The following PIGZ variants were observed in gnomAD, a reference collection of about 807,000 sequenced individuals.
PIGZ encodes phosphatidylinositol glycan anchor biosynthesis class Z (Gwada blood group).
Under a neutral mutation model 16.4 loss-of-function variants are expected in PIGZ, and 16 were observed. The observed-to-expected ratio is 0.97, with a 90% confidence interval of 0.66 to 1.48. The LOEUF (loss-of-function observed/expected upper bound fraction) is 1.48, where lower values mean the gene tolerates loss of function less well. PIGZ is among the 40% of genes most tolerant of loss of function. PIGZ has a pLI of 0.00. For missense variants in PIGZ, 770 were observed against 739.2 expected, an observed-to-expected ratio of 1.04 and a Z score of -0.48; for synonymous variants, 409 against 338.4, an observed-to-expected ratio of 1.21 and a Z score of -2.29.
intron 1 of PIGZ, 68 bp from the exon 2 acceptor site, chr3:196,952,099 T>C: frequency 7.3e-7 from 1 of 1,364,824 alleles, no homozygotes; most frequent in Non-Finnish European, 1.0e-6. Context: ...CTGAACAAAC[T>C]GAAAATGGAT....
intron 1 of PIGZ, among the ~76,000 whole-genome samples, chr3:196,960,737 G>GAAAGAAAGAAAGAAAGAA (rs772698961): frequency 2.8e-5 from 4 of 140,394 alleles, no homozygotes; most frequent in African/African-American, 5.3e-5. Context: ...AAGAAAGAAA[G>GAAAGAAAGAAAGAAAGAA]AGAAAGAAAG....
At position 196,965,820 on chromosome 3, in the gene PIGZ, G is replaced by A. The variant is rs1717902296; in HGVS notation, c.-1+2867C>T. On this transcript the variant is annotated intron_variant, in intron 1 of 2. Coordinates refer to ENST00000412723, the MANE Select transcript of PIGZ (RefSeq NM_025163.4). The surrounding 1 kb of genome is among the most constrained non-coding windows in gnomAD (Gnocchi z 4.2). Reference sequence around the variant, plus strand: ...CATTTTCTGTGGATGAATAATGAGGGAGATGGTAAGAAGCATGACCTGGAG... The same window carrying A: ...CATTTTCTGTGGATGAATAATGAGGAAGATGGTAAGAAGCATGACCTGGAG... 6.6e-6 allele frequency among the ~76,000 whole-genome samples: 1 copy of A among 152,152 alleles called. No individual in the cohort carries two copies. The highest frequency in any genetic ancestry group is 6.5e-5 in the Admixed American group (1 of 15,282).
At chr3:196,953,310 T>A (rs1026748775) in intron 1 of PIGZ, among the ~76,000 whole-genome samples, 11 of 152,322 alleles carry the variant, frequency 7.2e-5, no homozygotes, top group South Asian at 2.1e-4. Flanking sequence ...CAGGCCAGTA[T>A]GGCAGGCTGC....
chr3:196,949,168 A>T (rs975925014), intron 2 of PIGZ, among the ~76,000 whole-genome samples: 1 of 151,268 alleles, frequency 6.6e-6, no homozygotes, highest in Non-Finnish European at 1.5e-5. Context: ...GCTTCAATCC[A>T]TTCTTCCAGC....
chr3:196,961,102 C>T (rs1717703866), intron 1 of PIGZ, among the ~76,000 whole-genome samples: 1 of 152,200 alleles, frequency 6.6e-6, no homozygotes, highest in South Asian at 2.1e-4. Flanking sequence ...AAGTAGTATT[C>T]CATGCTCATT....
At chr3:196,957,199 G>GTA (rs1272628265) in intron 1 of PIGZ, among the ~76,000 whole-genome samples, 1 of 149,752 alleles carries the variant, frequency 6.7e-6, no homozygotes, top group African/African-American at 2.5e-5. Flanking sequence ...GTGTGTGTGT[G>GTA]TGTATGTGTT....
Position 196,948,124 on chromosome 3 carries a change from G to A in PIGZ, c.773C>T (p.Ala258Val). Residue 258 changes from alanine (A) to valine (V), a missense_variant, in exon 3 of 3, where the codon GCC (alanine) becomes GTC (valine). By Grantham distance (64) the Ala-to-Val change is moderately conservative (BLOSUM62 0). Transcript: ENST00000412723. ...NPGLKSLTRE[A>V]LVLLPGAALT... ...GGCTGCCCCAGGGAGCAGCACCAGG[G>A]CCTCCCGGGTCAGAGACTTCAAACC... 2 of 1,602,276 alleles carry A rather than the reference G, an allele frequency of 1.2e-6. No individual in the cohort carries two copies. Among genetic ancestry groups the A allele is most frequent in the South Asian group, 1.1e-5 (1 of 89,634 alleles).
intron 1 of PIGZ, among the ~76,000 whole-genome samples, chr3:196,956,204 T>C (rs1306269553): frequency 1.3e-5 from 2 of 152,130 alleles, no homozygotes; most frequent in Non-Finnish European, 2.9e-5. Flanking sequence ...TTATAGAAAG[T>C]AATCCTTCAT....
intron 1 of PIGZ, among the ~76,000 whole-genome samples, chr3:196,962,075 G>A (rs1056132180): frequency 6.6e-6 from 1 of 152,162 alleles, no homozygotes; most frequent in Non-Finnish European, 1.5e-5. Context: ...GACTGTTACT[G>A]TGTCTATGTA....
chr3:196,947,694 C>G lies in PIGZ; in HGVS notation c.1203G>C (p.Leu401=). The G allele has an allele frequency of 6.2e-7, 1 of 1,613,046 alleles. No individual in the cohort carries two copies. Among genetic ancestry groups the G allele is most frequent in the Non-Finnish European group, 8.5e-7 (1 of 1,179,458 alleles). ...FLIPLLVPLV[L]LCSPQTQPVP... ...CAGGCTGCGTCTGTGGACTACAAAG[C>G]AGGACCAGGGGGACCAGGAGGGGAA... The change falls in exon 3 of 3, where the codon CTG becomes CTC. Residue 401 remains leucine, a synonymous_variant. Coordinates refer to ENST00000412723, the MANE Select transcript of PIGZ (RefSeq NM_025163.4).
At position 196,962,788 on chromosome 3, in the gene PIGZ, C is replaced by T. The variant is rs151206825; in HGVS notation, c.-1+5899G>A. ...TTTATGACACAGAGTCTTTTGTTCA[C>T]ATGTTTTCCTGTTGACCCTCTCTCC... On this transcript the variant is annotated intron_variant, in intron 1 of 2. Transcript: ENST00000412723. 8.7e-4 allele frequency among the ~76,000 whole-genome samples: 133 copies of T among 152,066 alleles called. 1 individual carries two copies. In the South Asian group the frequency reaches 0.017, roughly 19 times the overall value.
At chr3:196,952,164 C>A in intron 1 of PIGZ, 133 bp from the exon 2 acceptor site, 1 of 853,004 alleles carries the variant, frequency 1.2e-6, no homozygotes. Context: ...ACTCTATGCC[C>A]ACTAACTGCC....
chr3:196,962,669 ATACTGATCTTTACTGCACT>A (rs948010611), intron 1 of PIGZ, among the ~76,000 whole-genome samples: 43 of 151,770 alleles, frequency 2.8e-4, no homozygotes, highest in African/African-American at 4.9e-4. Flanking sequence ...CTGCACGGCA[ATACTGATCTTTACTGCACT>A]GAGATGTTTA....
In PIGZ at chr3:196,951,891, C is replaced by A; in HGVS notation, c.141G>T (p.Leu47=). Residue 47 remains leucine (L), a synonymous_variant, in exon 2 of 3, where the codon CTG becomes CTT. Coordinates refer to ENST00000412723, the MANE Select transcript of PIGZ (RefSeq NM_025163.4). ...AGCCCGTCTGCGGAAGGAGACACCA[C>A]AGCACTCGGAGCAGGCTGAGACCAC... ...LWGGLSLLRV[L]WCLLPQTGYV... The A allele has an allele frequency of 6.2e-7, 1 of 1,614,196 alleles. No homozygotes were observed. Among genetic ancestry groups the A allele is most frequent in the Non-Finnish European group, 8.5e-7 (1 of 1,180,042 alleles).
intron 1 of PIGZ, among the ~76,000 whole-genome samples, chr3:196,953,881 T>A (rs542801092): frequency 1.4e-5 from 2 of 148,126 alleles, no homozygotes; most frequent in African/African-American, 2.6e-5. Flanking sequence ...TAATCCCAGC[T>A]ATTCAGGAGG....
Position 196,962,133 on chromosome 3 carries a change from A to T in PIGZ, c.-1+6554T>A, listed in dbSNP as rs147214960. On this transcript the variant is annotated intron_variant, in intron 1 of 2. Transcript: ENST00000412723. ...TCCATTTTGATCTGTACTAAGAAAA[A>T]TTCTTCTGCTTTGAAATGCTATTAA... 4.1e-3 allele frequency among the ~76,000 whole-genome samples: 631 copies of T among 152,310 alleles called. 3 individuals are homozygous for T. The highest frequency in any genetic ancestry group is 0.015 in the African/African-American group (612 of 41,562).
intron 1 of PIGZ, among the ~76,000 whole-genome samples, chr3:196,961,134 C>T (rs972506756): frequency 2.0e-5 from 3 of 152,194 alleles, no homozygotes; most frequent in Non-Finnish European, 2.9e-5. Context: ...TTGGGTGCTG[C>T]TGACAGGCGG....
rs756793689 is a variant in PIGZ at position 196,951,979 on chromosome 3, T to A, written c.53A>T (p.Gln18Leu). ...VASVAAGTSFQVLGPVCWQQL... is the reference protein window; with the variant it reads ...VASVAAGTSFLVLGPVCWQQL... The stretch of plus-strand genomic sequence containing the variant: ...TTGCCAACACACCGGGCCCAAAACC[T>A]GGAATGATGTCCCAGCTGCTACAGA... Residue 18 changes from glutamine (Q) to leucine (L), a missense_variant, in exon 2 of 3, where the codon CAG (glutamine) becomes CTG (leucine). Coordinates refer to ENST00000412723, the MANE Select transcript of PIGZ (RefSeq NM_025163.4). 2.5e-5 allele frequency: 40 copies of A among 1,614,014 alleles called. No homozygotes were observed. Among genetic ancestry groups the A allele is most frequent in the Non-Finnish European group, 5.1e-6 (6 of 1,180,042 alleles).
chr3:196,952,015 G>A lies in PIGZ; in HGVS notation c.17C>T (p.Ser6Phe). The A allele has an allele frequency of 6.2e-7, 1 of 1,613,954 alleles. No homozygotes were observed. The highest frequency in any genetic ancestry group is 8.5e-7 in the Non-Finnish European group (1 of 1,179,938). MQICG[S>F]SVASVAAGTS... ...CCCAGCTGCTACAGATGCTACGCTGGATCCACAGATCTGCATCTGTTGAGG... is the reference window on the plus strand; with the variant it reads ...CCCAGCTGCTACAGATGCTACGCTGAATCCACAGATCTGCATCTGTTGAGG... The change falls in exon 2 of 3, where the codon TCC becomes TTC. Residue 6 changes from serine (S) to phenylalanine (F), a missense_variant. Physicochemically the swap from Ser to Phe is radical, Grantham distance 155 (BLOSUM62 -2). Coordinates refer to ENST00000412723, the MANE Select transcript of PIGZ (RefSeq NM_025163.4).
Sources: allele counts gnomAD v4.1 joint callset (sites outside exome capture counted in the v4.1 genomes callset), GRCh38; gene constraint gnomAD v4.1.1; non-coding constraint Gnocchi (gnomAD v3.1); transcripts MANE v1.5; gene names NCBI Gene and HGNC (gene_info 2026-07-23, HGNC 2026-07-21).